Variants in PALLD observed in about 807,000 individuals in gnomAD.
PALLD encodes palladin.
Under a neutral mutation model 123.5 loss-of-function variants are expected in PALLD, and 61 were observed. The observed-to-expected ratio is 0.49, with a 90% confidence interval of 0.40 to 0.61. The LOEUF (loss-of-function observed/expected upper bound fraction) is 0.61, where lower values mean the gene tolerates loss of function less well. Among genes scored for constraint, PALLD ranks in the 20% least tolerant of loss-of-function variants. PALLD has a pLI of 0.00. For synonymous variants in PALLD, 465 were observed against 496.4 expected (o/e 0.94, Z 0.84); for missense variants, 1,273 against 1,377.0 (o/e 0.92, Z 1.20).
chr4:168,832,064 T>C (rs1744297043), intron 10 of PALLD: 3 of 984,976 alleles, frequency 3.0e-6, no homozygotes, highest in African/African-American at 1.8e-5. Context: ...GCGGGCGAGG[T>C]ATAAAGCCCG....
chr4:168,654,706 C>G (rs149802741), intron 2 of PALLD: 4 of 152,336 alleles, frequency 2.6e-5, no homozygotes, highest in Admixed American at 2.6e-4. Flanking sequence ...TGCTCACACA[C>G]CTGAGGCCCC....
intron 10 of PALLD, among the ~76,000 whole-genome samples, chr4:168,722,723 A>C (rs1433692501): frequency 6.6e-6 from 1 of 152,226 alleles, no homozygotes; most frequent in African/African-American, 2.4e-5. Context: ...ACTTTATTTC[A>C]GCAATAATGA....
chr4:168,851,336 T>C (rs1032004584), intron 10 of PALLD, among the ~76,000 whole-genome samples: 1 of 150,368 alleles, frequency 6.7e-6, no homozygotes, highest in East Asian at 1.9e-4. Flanking sequence ...CAGTCTCTCG[T>C]AGATTTTTTG....
chr4:168,516,967 T>C (rs1220396489), intron 2 of PALLD, among the ~76,000 whole-genome samples: 1 of 152,136 alleles, frequency 6.6e-6, no homozygotes, highest in East Asian at 1.9e-4. Context: ...GTAGAAACAT[T>C]CAGTGTTGGG....
chr4:168,755,503 A>C (rs930262052), intron 10 of PALLD, among the ~76,000 whole-genome samples: 3 of 152,076 alleles, frequency 2.0e-5, no homozygotes, highest in Non-Finnish European at 4.4e-5. Context: ...ATGATGGGGA[A>C]GGGGGATACA....
chr4:168,720,035 T>C (rs558883043), intron 10 of PALLD, among the ~76,000 whole-genome samples: 13 of 152,320 alleles, frequency 8.5e-5, no homozygotes, highest in African/African-American at 2.9e-4. Flanking sequence ...TAGAACACCA[T>C]TCATCCCCTC....
chr4:168,807,135 A>G (rs1740325291), intron 10 of PALLD, among the ~76,000 whole-genome samples: 1 of 152,120 alleles, frequency 6.6e-6, no homozygotes, highest in African/African-American at 2.4e-5. Context: ...AGATTAGAGG[A>G]GGGTAAAGAA....
chr4:168,751,776 T>A (rs1450945019), intron 10 of PALLD, among the ~76,000 whole-genome samples: 2 of 152,188 alleles, frequency 1.3e-5, no homozygotes, highest in African/African-American at 4.8e-5. Flanking sequence ...ATTCCTGTAG[T>A]TATTTATAAA....
chr4:168,697,027 C>T (rs1783195842), intron 8 of PALLD, among the ~76,000 whole-genome samples: 1 of 152,008 alleles, frequency 6.6e-6, no homozygotes, highest in Non-Finnish European at 1.5e-5. Context: ...TCAGAATTTC[C>T]AGGACAAGGA....
In PALLD at chr4:168,685,490, C is replaced by T; in HGVS notation, c.1266C>T (p.His422=). Residue 422 remains histidine (H), a synonymous_variant, in exon 6 of 22, where the codon CAC becomes CAT. Transcript: ENST00000505667. ...QPLSVPVQQV[H]SPTSYLCRPD... ...ATATGTCTCTGCTTTTGCAGGTTCA[C>T]AGTCCAACTTCATATCTCTGCCGAC... 1 of 1,607,246 alleles carries T rather than the reference C, an allele frequency of 6.2e-7. No homozygotes were observed.
intron 2 of PALLD, among the ~76,000 whole-genome samples, chr4:168,601,795 A>G (rs1772686127): frequency 6.6e-6 from 1 of 152,184 alleles, no homozygotes; most frequent in African/African-American, 2.4e-5. Context: ...CAGGGGCTCC[A>G]GGGGCCAAGG....
chr4:168,864,460 AAACGTACTTATTAC>A (rs1290997520), intron 10 of PALLD: 3 of 152,260 alleles, frequency 2.0e-5, no homozygotes, highest in African/African-American at 7.2e-5. Flanking sequence ...GCACTGCACC[AAACGTACTTATTAC>A]TCAGCTGGAT....
chr4:168,679,209 G>A, intron 3 of PALLD, among the ~76,000 whole-genome samples: 1 of 109,416 alleles, frequency 9.1e-6, no homozygotes, highest in Admixed American at 9.2e-5. Flanking sequence ...GAGTATGGAT[G>A]TGTGTGGGGT....
intron 2 of PALLD, among the ~76,000 whole-genome samples, chr4:168,655,904 A>G (rs1196731369): frequency 6.6e-6 from 1 of 152,242 alleles, no homozygotes; most frequent in African/African-American, 2.4e-5. Context: ...GAGTCCGTAC[A>G]TGAACTGTTT....
intron 10 of PALLD, among the ~76,000 whole-genome samples, chr4:168,857,835 A>G (rs2151012267): frequency 6.6e-6 from 1 of 152,364 alleles, no homozygotes; most frequent in Middle Eastern, 3.4e-3. Flanking sequence ...CTGCTTTCTC[A>G]TCTTTCTGTT....
chr4:168,504,764 C>T (rs1761830562), intron 1 of PALLD: 2 of 152,188 alleles, frequency 1.3e-5, no homozygotes, highest in South Asian at 4.1e-4. Flanking sequence ...AGGCAGGGGA[C>T]AGGACAATTT....
chr4:168,916,219 C>T (rs1760056981), intron 17 of PALLD, among the ~76,000 whole-genome samples, 192 bp downstream of exon 17: 1 of 152,162 alleles, frequency 6.6e-6, no homozygotes, highest in Non-Finnish European at 1.5e-5. Flanking sequence ...TCAAGACCAG[C>T]CTGGGTAATA....
rs760231510 is a variant in PALLD, at chr4:168,711,744, C to G, written c.1785C>G (p.Ser595Arg). The change falls in exon 10 of 22, where the codon AGC (serine) becomes AGG (arginine). Residue 595 changes from serine to arginine, a missense_variant. Coordinates refer to ENST00000505667, the MANE Select transcript of PALLD (RefSeq NM_001166108.2). ...QQVNNPELGL[S>R]RAALQMQFNA... is the part of the protein sequence containing the mutation. ...TGAACAACCCTGAGTTAGGCCTGAG[C>G]AGGGCAGCCCTTCAAATGCAATTCA... 4.6e-5 allele frequency: 74 copies of G among 1,614,036 alleles called. No individual in the cohort carries two copies. The highest frequency in any genetic ancestry group is 1.6e-4 in the Middle Eastern group (1 of 6,084).
At chr4:168,539,213 A>G (rs1281534476) in intron 2 of PALLD, among the ~76,000 whole-genome samples, 2 of 152,184 alleles carry the variant, frequency 1.3e-5, no homozygotes, top group African/African-American at 2.4e-5. Flanking sequence ...TAACTTTTCC[A>G]TAATTTGTCA....
Sources: allele counts gnomAD v4.1 joint callset (sites outside exome capture counted in the v4.1 genomes callset), GRCh38; gene constraint gnomAD v4.1.1; transcripts MANE v1.5; gene names NCBI Gene and HGNC (gene_info 2026-07-23, HGNC 2026-07-21).